The following AFF1 variants were observed in gnomAD, a reference collection of about 807,000 sequenced individuals.
The protein encoded by AFF1 is AF4/FMR2 family member 1.
Under a neutral mutation model 121.7 loss-of-function variants are expected in AFF1, and 48 were observed. The observed-to-expected ratio is 0.39, with a 90% CI of 0.31 to 0.50. AFF1 has a LOEUF of 0.50. Ranked by LOEUF, AFF1 falls within the 20% of genes least tolerant of loss-of-function variation. The pLI, the probability that AFF1 is intolerant of heterozygous loss-of-function variation, is 0.76. For synonymous variants in AFF1, 613 were observed against 563.0 expected, an observed-to-expected ratio of 1.09 and a Z score of -1.26; for missense variants, 1,523 against 1,511.7, an observed-to-expected ratio of 1.01 and a Z score of -0.12.
rs929507272 is a variant in AFF1 at position 87,006,893 on chromosome 4, A to G, written c.39-39273A>G. 6.4e-6 allele frequency: 6 copies of G among 939,956 alleles called. No individual in the cohort carries two copies. In the African/African-American group the frequency reaches 1.1e-4, roughly 17 times the overall value. 58.2% of individuals were successfully genotyped at this position (939,956 alleles called of 1,614,324 possible). A position where few individuals can be genotyped will look rare whatever the true frequency, so the allele number is the denominator to read the frequency against. On this transcript the variant is annotated intron_variant, in intron 2 of 20. Coordinates refer to ENST00000395146, the MANE Select transcript of AFF1 (RefSeq NM_001166693.3). ...CGCCTGCCTTTGGCTAGGGCCGCCGAGCGCCCTGCCCATTTAAGTAGGCGG... is the reference window on the plus strand; with the variant it reads ...CGCCTGCCTTTGGCTAGGGCCGCCGGGCGCCCTGCCCATTTAAGTAGGCGG...
At chr4:86,951,744 C>T (rs1219869641) in intron 2 of AFF1, among the ~76,000 whole-genome samples, 1 of 150,716 alleles carries the variant, frequency 6.6e-6, no homozygotes, top group African/African-American at 2.4e-5. Flanking sequence ...GCCTCAGCCT[C>T]CTGAGTAGCT....
intron 5 of AFF1, among the ~76,000 whole-genome samples, chr4:87,086,638 G>A (rs993403906): frequency 4.6e-5 from 7 of 152,114 alleles, no homozygotes; most frequent in Admixed American, 4.6e-4. Context: ...GTTATAGGTC[G>A]CTGCTGGGCT....
chr4:87,101,158 C>CT (rs1725391546), intron 8 of AFF1, among the ~76,000 whole-genome samples: 1 of 152,174 alleles, frequency 6.6e-6, no homozygotes, highest in East Asian at 1.9e-4. Context: ...TACCTTTTCA[C>CT]TTTTTCATCT....
Position 87,138,845 on chromosome 4 carries a change from G to A in AFF1, c.*3144G>A, listed in dbSNP as rs1231020682. The A allele has an allele frequency of 1.3e-5, 3 of 228,906 alleles. No individual in the cohort carries two copies. The highest frequency in any genetic ancestry group is 6.7e-5 in the African/African-American group (3 of 45,082). 14.2% of individuals were successfully genotyped at this position (228,906 alleles called of 1,614,324 possible). A position where few individuals can be genotyped will look rare whatever the true frequency, so the allele number is the denominator to read the frequency against. ...TAACAAAAAGACCTTCATATTATCT[G>A]TTTTGACCAAAATATGTAGCTATTT... On this transcript the variant is annotated 3_prime_UTR_variant, in exon 21 of 21. Transcript: ENST00000395146.
At chr4:87,002,255 GC>G (rs1725782268) in intron 2 of AFF1, among the ~76,000 whole-genome samples, 1 of 151,370 alleles carries the variant, frequency 6.6e-6, no homozygotes, top group South Asian at 2.1e-4. Context: ...ACCATGCCCA[GC>G]TAATTACAAA....
At chr4:86,986,040 C>CAATTCAATTTAATTTAATTTAATTT (rs778774808) in intron 2 of AFF1, among the ~76,000 whole-genome samples, 8 of 135,526 alleles carry the variant, frequency 5.9e-5, no homozygotes, top group African/African-American at 1.2e-4. Flanking sequence ...TAATTCAATT[C>CAATTCAATTTAATTTAATTTAATTT]AATTTAATTT....
rs548913316 is a variant in AFF1 at position 86,959,506 on chromosome 4, T to C, written c.38+10935T>C. On this transcript the variant is annotated intron_variant, in intron 2 of 20. Transcript: ENST00000395146. ...CCTTAATACTCTTTTTTTTTTTTTT[T>C]TCCCAATGTGAGAGACTGGTAGAGA... 4.8e-3 allele frequency among the ~76,000 whole-genome samples: 653 copies of C among 136,038 alleles called. 3 individuals are homozygous for C. The highest frequency in any genetic ancestry group is 0.014 in the African/African-American group (578 of 39,974). 89.2% of individuals were successfully genotyped at this position (136,038 alleles called of 152,430 possible).
chr4:86,938,745 A>G (rs890262946), intron 1 of AFF1, among the ~76,000 whole-genome samples: 6 of 152,252 alleles, frequency 3.9e-5, no homozygotes, highest in African/African-American at 1.4e-4. Context: ...GTACACATCC[A>G]TTATTCATGA....
At chr4:87,116,764 C>G (rs534896197) in intron 12 of AFF1, among the ~76,000 whole-genome samples, 3 of 152,192 alleles carry the variant, frequency 2.0e-5, no homozygotes, top group African/African-American at 2.4e-5. Flanking sequence ...AGTGCTCTGT[C>G]TCAGCTAGAA....
At chr4:86,943,460 G>A (rs1720612223) in intron 1 of AFF1, among the ~76,000 whole-genome samples, 1 of 152,186 alleles carries the variant, frequency 6.6e-6, no homozygotes, top group Non-Finnish European at 1.5e-5. Context: ...AGTTGACGAG[G>A]GACTAACTAG....
chr4:87,134,000 C>T (rs1332723410), intron 19 of AFF1, among the ~76,000 whole-genome samples: 1 of 152,056 alleles, frequency 6.6e-6, no homozygotes, highest in African/African-American at 2.4e-5. Flanking sequence ...TCTGCTGTGG[C>T]CCAGGAAAAG....
intron 12 of AFF1, among the ~76,000 whole-genome samples, chr4:87,120,253 C>T (rs1727542094): frequency 6.6e-6 from 1 of 152,102 alleles, no homozygotes; most frequent in South Asian, 2.1e-4. Flanking sequence ...AATTGGTGTC[C>T]CTTGTGTCTT....
chr4:86,988,087 C>G (rs1724429503), intron 2 of AFF1, among the ~76,000 whole-genome samples: 1 of 133,482 alleles, frequency 7.5e-6, no homozygotes, highest in Non-Finnish European at 1.6e-5. Flanking sequence ...GTTACATATA[C>G]ATTAGATACA....
chr4:87,046,683 C>G lies in AFF1; in HGVS notation c.160-12C>G, dbSNP rs1560570922. ...AGTTTTTTTTCATTCTCAAATTCTCCTTTTTTTTCAGACAGCAAAAGGTGA... is the reference window on the plus strand; with the variant it reads ...AGTTTTTTTTCATTCTCAAATTCTCGTTTTTTTTCAGACAGCAAAAGGTGA... On this transcript the variant is annotated splice_polypyrimidine_tract_variant and intron_variant, in intron 3 of 20. Transcript: ENST00000395146. 1.3e-6 allele frequency: 2 copies of G among 1,579,982 alleles called. No individual in the cohort carries two copies. Among genetic ancestry groups the G allele is most frequent in the Non-Finnish European group, 1.7e-6 (2 of 1,163,224 alleles).
At chr4:87,013,416 C>G (rs1726997822) in intron 2 of AFF1, among the ~76,000 whole-genome samples, 1 of 150,554 alleles carries the variant, frequency 6.6e-6, no homozygotes, top group African/African-American at 2.5e-5. Context: ...AGAGAAAATC[C>G]CAGGGGTAAA....
In AFF1 at chr4:87,138,553, A is replaced by G. The variant is rs1158974660; in HGVS notation, c.*2852A>G. ...GTAGGAAATGGAAGAACACTGTTTT[A>G]TTTTTTAAAGTGTTTAATGTTTCTG... is the stretch of plus-strand genomic sequence containing the variant. On this transcript the variant is annotated 3_prime_UTR_variant, in exon 21 of 21. Transcript: ENST00000395146. 4.3e-6 allele frequency: 1 copy of G among 231,322 alleles called. No individual in the cohort carries two copies. Among genetic ancestry groups the G allele is most frequent in the Non-Finnish European group, 8.5e-6 (1 of 117,300 alleles). The allele number at this position is 231,322 out of a possible 1,614,324, so 14.3% of individuals were successfully genotyped here. A position where few individuals can be genotyped will look rare whatever the true frequency, so the allele number is the denominator to read the frequency against.
intron 18 of AFF1, among the ~76,000 whole-genome samples, 192 bp downstream of exon 18, chr4:87,132,056 G>A (rs151069539): frequency 1.8e-3 from 274 of 152,254 alleles, no homozygotes; most frequent in African/African-American, 6.0e-3. Context: ...CTGATGGCTT[G>A]GTAAATGCTT....
At chr4:87,120,624 G>C (rs569328510) in intron 12 of AFF1, among the ~76,000 whole-genome samples, 5 of 152,344 alleles carry the variant, frequency 3.3e-5, no homozygotes, top group African/African-American at 1.2e-4. Context: ...CAAGGTCGGC[G>C]TACTGGCTCT....
chr4:87,133,814 G>A (rs1286041450), intron 19 of AFF1, among the ~76,000 whole-genome samples: 1 of 152,200 alleles, frequency 6.6e-6, no homozygotes, highest in Non-Finnish European at 1.5e-5. Context: ...TGAGTCACAT[G>A]TTAACTTGCA....
Sources: gnomAD v4.1 joint callset for allele counts (sites outside exome capture counted in the v4.1 genomes callset) on GRCh38, gnomAD v4.1.1 for gene constraint, MANE v1.5 for transcripts, NCBI Gene and HGNC (gene_info 2026-07-23, HGNC 2026-07-21) for gene names.